The following EFCAB6 variants were observed in gnomAD, a reference collection of about 807,000 sequenced individuals.
The protein encoded by EFCAB6 is EF-hand calcium binding domain 6.
In EFCAB6, 156 loss-of-function variants were observed where a neutral mutation model predicts 169.8. That is an observed-to-expected ratio of 0.92 (90% CI 0.81 to 1.05). The LOEUF is 1.05. Ranked by LOEUF, EFCAB6 falls within the 50% of genes least tolerant of loss-of-function variation. EFCAB6 has a pLI of 0.00. For missense variants in EFCAB6, 1,800 were observed against 1,829.1 expected, an observed-to-expected ratio of 0.98 and a Z score of 0.29; for synonymous variants, 698 against 676.4, an observed-to-expected ratio of 1.03 and a Z score of -0.50.
chr22:43,534,675 G>A lies in EFCAB6; in HGVS notation c.4233+13C>T. The A allele has an allele frequency of 6.3e-7, 1 of 1,578,768 alleles. No individual in the cohort carries two copies. Among genetic ancestry groups the A allele is most frequent in the Non-Finnish European group, 8.6e-7 (1 of 1,165,444 alleles). On this transcript the variant is annotated intron_variant, in intron 30 of 31. Transcript: ENST00000262726. Reference sequence around the variant, plus strand: ...CCACCTGGCCCCACATTTCCTGCAGGTGGGCAACATACCATCTTGTGTGCA... The same window carrying A: ...CCACCTGGCCCCACATTTCCTGCAGATGGGCAACATACCATCTTGTGTGCA...
chr22:43,664,945 A>C (rs2057177000), intron 17 of EFCAB6, among the ~76,000 whole-genome samples: 1 of 152,040 alleles, frequency 6.6e-6, no homozygotes, highest in Non-Finnish European at 1.5e-5. Context: ...ATCACATGGG[A>C]GATGCTGGGG....
chr22:43,626,758 C>A (rs761824872), intron 19 of EFCAB6, 79 bp from the exon 20 acceptor site: 25 of 1,359,622 alleles, frequency 1.8e-5, no homozygotes, highest in Non-Finnish European at 2.4e-5. Context: ...ACGTGTAGAG[C>A]CTCATCTCCA....
chr22:43,645,482 T>C (rs1487712730), intron 17 of EFCAB6, among the ~76,000 whole-genome samples: 14 of 152,196 alleles, frequency 9.2e-5, no homozygotes, highest in Non-Finnish European at 1.8e-4. Flanking sequence ...TCATTGACTG[T>C]AGTCCCAAAA....
chr22:43,703,031 C>T (rs1203949589), intron 10 of EFCAB6, among the ~76,000 whole-genome samples: 2 of 152,186 alleles, frequency 1.3e-5, no homozygotes, highest in East Asian at 3.9e-4. Context: ...TGCATTTCTA[C>T]TAGAGTAAAG....
At chr22:43,551,408 C>T (rs1050829192) in intron 27 of EFCAB6, among the ~76,000 whole-genome samples, 3 of 152,180 alleles carry the variant, frequency 2.0e-5, no homozygotes, top group East Asian at 3.8e-4. Flanking sequence ...TGGCAAAGAC[C>T]GCAATTACTT....
intron 2 of EFCAB6, among the ~76,000 whole-genome samples, chr22:43,788,240 T>A (rs1229668077): frequency 6.6e-6 from 1 of 152,178 alleles, no homozygotes; most frequent in African/African-American, 2.4e-5. Context: ...TTGGACTTCA[T>A]CAAACTTTAA....
chr22:43,601,379 T>A (rs2052510017), intron 22 of EFCAB6, among the ~76,000 whole-genome samples: 1 of 152,246 alleles, frequency 6.6e-6, no homozygotes, highest in African/African-American at 2.4e-5. Flanking sequence ...TTGGTCCTCA[T>A]CTAATCGATA....
intron 5 of EFCAB6, among the ~76,000 whole-genome samples, chr22:43,756,036 AAT>A (rs1569472648): frequency 1.3e-5 from 2 of 152,152 alleles, no homozygotes; most frequent in Non-Finnish European, 2.9e-5. Context: ...CATAAAATGA[AAT>A]ATAGTAGCAT....
chr22:43,558,690 C>T (rs1454420823), intron 26 of EFCAB6, among the ~76,000 whole-genome samples: 1 of 152,158 alleles, frequency 6.6e-6, no homozygotes, highest in Non-Finnish European at 1.5e-5. Flanking sequence ...AAAAAGATTA[C>T]AAGAAGATTA....
At chr22:43,660,923 G>A (rs148906902) in intron 17 of EFCAB6, among the ~76,000 whole-genome samples, 34 of 152,268 alleles carry the variant, frequency 2.2e-4, no homozygotes, top group East Asian at 1.9e-4. Context: ...TTAAACCACC[G>A]TTTTGTGGGT....
At chr22:43,548,278 C>T (rs2048178350) in intron 27 of EFCAB6, among the ~76,000 whole-genome samples, 1 of 152,006 alleles carries the variant, frequency 6.6e-6, no homozygotes, top group Non-Finnish European at 1.5e-5. Context: ...TGGCTCATGT[C>T]TATAATCCCA....
chr22:43,576,340 T>C lies in EFCAB6; in HGVS notation c.3377A>G (p.Asn1126Ser). The change falls in exon 26 of 32, where the codon AAT becomes AGT. Residue 1126 changes from asparagine (N) to serine (S), a missense_variant. Asn to Ser is a conservative substitution (Grantham distance 46). Transcript: ENST00000262726. ...KLRIHLTPYINWKYFLQNFSC... is the reference protein window; with the variant it reads ...KLRIHLTPYISWKYFLQNFSC... ...AAAGTTCTGGAGAAAATATTTCCAA[T>C]TTATATAGGGGGTTAGATGAATTCT... 1 of 1,596,324 alleles carries C rather than the reference T, an allele frequency of 6.3e-7. No homozygotes were observed. Among genetic ancestry groups the C allele is most frequent in the South Asian group, 1.2e-5 (1 of 86,502 alleles).
chr22:43,632,024 C>T, intron 19 of EFCAB6, 81 bp downstream of exon 19: 1 of 1,555,996 alleles, frequency 6.4e-7, no homozygotes, highest in Non-Finnish European at 8.7e-7. Flanking sequence ...TGACCTACAC[C>T]AGGACTCACA....
chr22:43,779,689 A>G (rs5764289), intron 3 of EFCAB6, among the ~76,000 whole-genome samples: 147,509 of 152,094 alleles, frequency 0.97, 71,573 homozygotes, highest in East Asian at 1. Context: ...GCAGTGAGCC[A>G]AGATCGCACC....
intron 9 of EFCAB6, among the ~76,000 whole-genome samples, chr22:43,713,736 C>T (rs905322577): frequency 6.6e-6 from 1 of 152,140 alleles, no homozygotes; most frequent in African/African-American, 2.4e-5. Context: ...TCCAAATGTC[C>T]ATCCATAGGA....
intron 10 of EFCAB6, among the ~76,000 whole-genome samples, chr22:43,689,349 GCACACACACACACA>G (rs3221390): frequency 2.0e-5 from 3 of 147,072 alleles, no homozygotes; most frequent in East Asian, 2.0e-4. Context: ...GAGAGCACGT[GCACACACACACACA>G]CACACACACA....
chr22:43,543,649 A>G (rs1430780386), intron 27 of EFCAB6, among the ~76,000 whole-genome samples: 3 of 152,158 alleles, frequency 2.0e-5, no homozygotes, highest in Admixed American at 2.0e-4. Context: ...GATGAGCCCA[A>G]TAGCCGCCAG....
intron 10 of EFCAB6, among the ~76,000 whole-genome samples, chr22:43,692,636 T>C (rs757159804): frequency 6.6e-6 from 1 of 151,918 alleles, no homozygotes; most frequent in Non-Finnish European, 1.5e-5. Flanking sequence ...ATAGAGAAGA[T>C]AGAGAAAAGA....
intron 17 of EFCAB6, among the ~76,000 whole-genome samples, chr22:43,645,692 G>A (rs1299247685): frequency 1.3e-5 from 2 of 152,120 alleles, no homozygotes; most frequent in Non-Finnish European, 2.9e-5. Flanking sequence ...TCCGCATTGT[G>A]CATTGTGACA....
Sources: allele counts gnomAD v4.1 joint callset (sites outside exome capture counted in the v4.1 genomes callset), GRCh38; gene constraint gnomAD v4.1.1; transcripts MANE v1.5; gene names NCBI Gene and HGNC (gene_info 2026-07-23, HGNC 2026-07-21).